RBFOX3: variants seen among roughly 807,000 people sequenced by gnomAD.
RBFOX3 encodes the protein RNA binding protein fox-1 homolog 3.
A neutral mutation model predicts 48.7 loss-of-function variants in RBFOX3; 17 were observed. The observed-to-expected ratio is 0.35, with a 90% CI of 0.24 to 0.52. RBFOX3 has a LOEUF of 0.52. Ranked by LOEUF, RBFOX3 falls within the 20% of genes least tolerant of loss-of-function variation. The pLI, the probability that RBFOX3 is intolerant of heterozygous loss-of-function variation, is 0.94. For missense variants in RBFOX3, 382 were observed against 497.5 expected (o/e 0.77, Z 2.21); for synonymous variants, 212 against 209.5 (o/e 1.01, Z -0.10).
intron 9 of RBFOX3, chr17:79,100,185 T>A (rs2076152831): frequency 6.6e-6 from 1 of 152,360 alleles, no homozygotes; most frequent in African/African-American, 2.4e-5. Context: ...AATTCTCACT[T>A]CTGCCCAGAC....
At chr17:79,470,111 TCAGCTCCACACACA>T (rs1221955254) in intron 2 of RBFOX3, among the ~76,000 whole-genome samples, 1 of 152,066 alleles carries the variant, frequency 6.6e-6, no homozygotes, top group Non-Finnish European at 1.5e-5. Context: ...ATCCTTACGT[TCAGCTCCACACACA>T]CAGCCCCTGG....
chr17:79,103,421 T>C lies in RBFOX3; in HGVS notation c.415-167A>G, dbSNP rs543280492. 1.2e-4 allele frequency among the ~76,000 whole-genome samples: 18 copies of C among 151,756 alleles called. No homozygotes were observed. The highest frequency in any genetic ancestry group is 4.4e-4 in the African/African-American group (18 of 41,340). On this transcript the variant is annotated intron_variant, in intron 7 of 14. Transcript: ENST00000693108. This position sits in a 1 kb window ranked among gnomAD's most constrained non-coding sequence, Gnocchi z 6.1. ...GGCAGAGACGCAGGCAGCCCAGAGG[T>C]CTGTCCTAGGGCCACCGGCAGGATG... is the stretch of plus-strand genomic sequence containing the variant.
At chr17:79,556,764 C>A (rs1027299456) in intron 1 of RBFOX3, among the ~76,000 whole-genome samples, 4 of 152,286 alleles carry the variant, frequency 2.6e-5, no homozygotes, top group Middle Eastern at 3.4e-3. Flanking sequence ...CTTGAGATGG[C>A]AAAATTCCTA....
rs544368564 is a variant in RBFOX3, at chr17:79,198,135, C to T, written c.-34+37631G>A. On this transcript the variant is annotated intron_variant, in intron 4 of 14. Coordinates refer to ENST00000693108, the MANE Select transcript of RBFOX3 (RefSeq NM_001350451.2). This position sits in a 1 kb window ranked among gnomAD's most constrained non-coding sequence, Gnocchi z 8.2. The stretch of plus-strand genomic sequence containing the variant: ...GTGGGCTGTCATCCCGGAAGTGCTA[C>T]GGTTGCATCGTGTGGGGTGGGCTGT... 2.6e-5 allele frequency among the ~76,000 whole-genome samples: 4 copies of T among 151,952 alleles called. No individual in the cohort carries two copies. Among genetic ancestry groups the T allele is most frequent in the South Asian group, 2.1e-4 (1 of 4,812 alleles).
rs528213659 is a variant in RBFOX3 at position 79,495,062 on chromosome 17, C to T, written c.-319-12464G>A. On this transcript the variant is annotated intron_variant, in intron 1 of 14. Transcript: ENST00000693108. ...CACGTTTGCCACAGTTCAGGTTCATCCCCATGCGTGCTTCCCCAGGTGTTG... is the reference window on the plus strand; with the variant it reads ...CACGTTTGCCACAGTTCAGGTTCATTCCCATGCGTGCTTCCCCAGGTGTTG... Among the ~76,000 whole-genome samples, 49 of 152,162 alleles carry T rather than the reference C, an allele frequency of 3.2e-4. No homozygotes were observed. In the South Asian group the frequency reaches 9.8e-3, roughly 30 times the overall value.
chr17:79,661,363 C>T, the RBFOX3 span, among the ~76,000 whole-genome samples: 1 of 152,070 alleles, frequency 6.6e-6, no homozygotes, highest in Non-Finnish European at 1.5e-5. Context: ...GAGTGGAATG[C>T]CTGGATTCTT....
chr17:79,444,436 G>T (rs2149060701), intron 2 of RBFOX3, among the ~76,000 whole-genome samples: 1 of 152,220 alleles, frequency 6.6e-6, no homozygotes, highest in African/African-American at 2.4e-5. Context: ...GAGCAGATGG[G>T]CTGAGCAACA....
At chr17:79,612,550 T>G (rs1342223517), upstream of RBFOX3, among the ~76,000 whole-genome samples, 2 of 152,218 alleles carry the variant, frequency 1.3e-5, no homozygotes, top group Non-Finnish European at 1.5e-5. Context: ...GCTTTTAATT[T>G]CTGGCCCTCC....
In RBFOX3 at chr17:79,274,091, C is replaced by G. The variant is rs1247903586; in HGVS notation, c.-74+33633G>C. Among the ~76,000 whole-genome samples the G allele has an allele frequency of 9.2e-5, 14 of 152,190 alleles. 1 individual carries two copies. Among genetic ancestry groups the G allele is most frequent in the Admixed American group, 5.9e-4 (9 of 15,292 alleles). On this transcript the variant is annotated intron_variant, in intron 3 of 14. Coordinates refer to ENST00000693108, the MANE Select transcript of RBFOX3 (RefSeq NM_001350451.2). Reference sequence around the variant, plus strand: ...ACGCTGACCCCATGCATACAGCTGGCTGAGAGAAGGCGGTGTGCCCTGGCC... The same window carrying G: ...ACGCTGACCCCATGCATACAGCTGGGTGAGAGAAGGCGGTGTGCCCTGGCC...
intron 3 of RBFOX3, among the ~76,000 whole-genome samples, chr17:79,266,475 C>T (rs2066727310): frequency 6.6e-6 from 1 of 152,152 alleles, no homozygotes; most frequent in South Asian, 2.1e-4. Flanking sequence ...GAATTGTTTG[C>T]TAAGTTTCTG....
Position 79,293,458 on chromosome 17 carries a change from TCCTTCCTTC to T in RBFOX3, c.-74+14257_-74+14265del, listed in dbSNP as rs1198641916. On this transcript the variant is annotated intron_variant, in intron 3 of 14. Transcript: ENST00000693108. ...TTCCTTCCTTCCTTCCTTCCTTCCT[TCCTTCCTTC>T]CCTTCCTTCCTGTCTCACTCTGTCT... 3.2e-3 allele frequency among the ~76,000 whole-genome samples: 315 copies of T among 97,226 alleles called. 4 individuals carry two copies. Among genetic ancestry groups the T allele is most frequent in the African/African-American group, 0.014 (290 of 21,182 alleles). The allele number at this position is 97,226 out of a possible 152,430, so 63.8% of individuals were successfully genotyped here.
chr17:79,302,223 C>A (rs959130235), intron 3 of RBFOX3, among the ~76,000 whole-genome samples: 1 of 152,166 alleles, frequency 6.6e-6, no homozygotes, highest in Non-Finnish European at 1.5e-5. Context: ...AATAAATACC[C>A]CTCCCCTTCC....
intron 3 of RBFOX3, among the ~76,000 whole-genome samples, chr17:79,241,176 CTT>C (rs77856240): frequency 1.1e-4 from 16 of 142,134 alleles, no homozygotes; most frequent in African/African-American, 2.1e-4. Flanking sequence ...TCTATTTAAT[CTT>C]TTTTTTTTTT....
At chr17:79,108,006 GCTTC>G (rs2077733560) in intron 5 of RBFOX3, among the ~76,000 whole-genome samples, 1 of 152,254 alleles carries the variant, frequency 6.6e-6, no homozygotes, top group South Asian at 2.1e-4. Flanking sequence ...CCTTTTATTG[GCTTC>G]CTTCGCCTTC....
At chr17:79,658,918 T>C in the RBFOX3 span, among the ~76,000 whole-genome samples, 4 of 152,172 alleles carry the variant, frequency 2.6e-5, no homozygotes, top group Admixed American at 6.5e-5. Context: ...ACTGGGATAG[T>C]GTAGGTTCTG....
At chr17:79,224,782 G>A (rs1024485882) in intron 4 of RBFOX3, among the ~76,000 whole-genome samples, 2 of 152,244 alleles carry the variant, frequency 1.3e-5, no homozygotes, top group African/African-American at 4.8e-5. Context: ...TTTGTGATCA[G>A]TGACAGCCCC....
chr17:79,336,366 G>A (rs563027287), intron 2 of RBFOX3, among the ~76,000 whole-genome samples: 95 of 151,348 alleles, frequency 6.3e-4, no homozygotes, highest in Admixed American at 1.1e-3. Context: ...CAGCCTGGGC[G>A]ACAGAGTGAG....
intron 1 of RBFOX3, among the ~76,000 whole-genome samples, chr17:79,491,389 G>T (rs1266215338): frequency 6.6e-6 from 1 of 151,986 alleles, no homozygotes; most frequent in Non-Finnish European, 1.5e-5. Flanking sequence ...AGTAGGACAT[G>T]ATGAAGATTT....
chr17:79,175,729 G>A (rs947591146), intron 4 of RBFOX3, among the ~76,000 whole-genome samples: 5 of 152,258 alleles, frequency 3.3e-5, no homozygotes, highest in Non-Finnish European at 7.3e-5. Flanking sequence ...CTCTTGGGGT[G>A]GCGCCTCTGA....
Sources: allele counts gnomAD v4.1 joint callset (sites outside exome capture counted in the v4.1 genomes callset), GRCh38; gene constraint gnomAD v4.1.1; non-coding constraint Gnocchi (gnomAD v3.1); transcripts MANE v1.5; gene names NCBI Gene and HGNC (gene_info 2026-07-23, HGNC 2026-07-21).